ANKFN1: variants seen among roughly 807,000 people sequenced by gnomAD.
The protein encoded by ANKFN1 is ankyrin repeat and fibronectin type-III domain-containing protein 1.
In ANKFN1, 74 loss-of-function variants were observed where a neutral mutation model predicts 108.7. The ratio of observed to expected loss-of-function variants is 0.68; its 90% CI spans 0.56 to 0.83. The LOEUF (loss-of-function observed/expected upper bound fraction) is 0.83. Among genes scored for constraint, ANKFN1 ranks in the 40% least tolerant of loss-of-function variants. The pLI, the probability that ANKFN1 is intolerant of heterozygous loss-of-function variation, is 0.00. For missense variants in ANKFN1, 1,505 were observed against 1,382.3 expected, an observed-to-expected ratio of 1.09 and a Z score of -1.41; for synonymous variants, 547 against 516.2, an observed-to-expected ratio of 1.06 and a Z score of -0.81.
At chr17:56,313,384 G>A (rs529815551) in intron 3 of ANKFN1, among the ~76,000 whole-genome samples, 1 of 152,240 alleles carries the variant, frequency 6.6e-6, no homozygotes, top group Admixed American at 6.5e-5. Flanking sequence ...AAACAAGCCT[G>A]GTCATGGAGG....
chr17:56,449,283 A>C, intron 11 of ANKFN1, 97 bp downstream of exon 11: 1 of 794,330 alleles, frequency 1.3e-6, no homozygotes, highest in Non-Finnish European at 2.0e-6. Context: ...CTCATTCATC[A>C]GGGAGAGAGA....
intron 6 of ANKFN1, among the ~76,000 whole-genome samples, chr17:56,354,607 A>G (rs1371608576): frequency 1.3e-5 from 2 of 152,242 alleles, no homozygotes; most frequent in African/African-American, 4.8e-5. Context: ...TGAAGAAAAT[A>G]AAATGGATGA....
intron 8 of ANKFN1, among the ~76,000 whole-genome samples, chr17:56,397,587 T>C (rs1489522631): frequency 6.6e-6 from 1 of 152,218 alleles, no homozygotes; most frequent in Non-Finnish European, 1.5e-5. Context: ...CTCACATCAA[T>C]GGCAAGTGTT....
At chr17:56,204,804 G>A (rs776649056) in intron 1 of ANKFN1, among the ~76,000 whole-genome samples, 7 of 152,038 alleles carry the variant, frequency 4.6e-5, no homozygotes, top group African/African-American at 7.2e-5. Flanking sequence ...GGCTGGGCGC[G>A]GTGGCTCACG....
intron 1 of ANKFN1, among the ~76,000 whole-genome samples, chr17:56,160,582 C>T (rs1291783137): frequency 1.3e-5 from 2 of 152,114 alleles, no homozygotes; most frequent in Admixed American, 6.6e-5. Context: ...TACTGATGCT[C>T]ATAAGAGATA....
chr17:56,191,539 G>A (rs1336119255), intron 1 of ANKFN1, among the ~76,000 whole-genome samples: 1 of 28,348 alleles, frequency 3.5e-5, no homozygotes, highest in Non-Finnish European at 5.1e-5. Flanking sequence ...TTGAATATTG[G>A]CCCCCACTCT....
At chr17:56,271,292 A>G (rs2043787688) in intron 3 of ANKFN1, among the ~76,000 whole-genome samples, 1 of 152,190 alleles carries the variant, frequency 6.6e-6, no homozygotes, top group Non-Finnish European at 1.5e-5. Context: ...GGTGTGAGAC[A>G]CCATGCCTGG....
At chr17:56,494,212 A>G (rs1568048915) in intron 19 of ANKFN1, among the ~76,000 whole-genome samples, 1 of 152,202 alleles carries the variant, frequency 6.6e-6, no homozygotes, top group Non-Finnish European at 1.5e-5. Context: ...CGTGAATGAG[A>G]TATCTTAGGT....
intron 19 of ANKFN1, among the ~76,000 whole-genome samples, chr17:56,495,847 C>A (rs1009372427): frequency 1.3e-5 from 2 of 152,046 alleles, no homozygotes; most frequent in Admixed American, 1.3e-4. Context: ...AAACCAATCA[C>A]CTTTACATTT....
chr17:56,306,954 C>A (rs1408212330), intron 3 of ANKFN1, among the ~76,000 whole-genome samples: 4 of 152,120 alleles, frequency 2.6e-5, no homozygotes, highest in African/African-American at 9.7e-5. Flanking sequence ...CTTTGACAAA[C>A]CTGACAAAAA....
At chr17:56,125,808 T>C (rs1282312546) in intron 4 of ANKFN1, among the ~76,000 whole-genome samples, 1 of 152,120 alleles carries the variant, frequency 6.6e-6, no homozygotes, top group Non-Finnish European at 1.5e-5. Flanking sequence ...GGTAAAGCCA[T>C]GAGCAAAGGC....
intron 4 of ANKFN1, among the ~76,000 whole-genome samples, chr17:56,342,577 T>C (rs1450338077): frequency 6.6e-6 from 1 of 152,144 alleles, no homozygotes; most frequent in Non-Finnish European, 1.5e-5. Flanking sequence ...CAGGAGCATA[T>C]TATTCAATTT....
rs201111078 is a variant in ANKFN1, at chr17:56,182,885, T to A, written c.-71+29355T>A. Among the ~76,000 whole-genome samples the A allele has an allele frequency of 3.6e-4, 55 of 152,174 alleles. 1 individual carries two copies. The East Asian group carries it at 9.9e-3, about 27-fold the overall frequency. On this transcript the variant is annotated intron_variant, in intron 1 of 20. Transcript: ENST00000682825. ...CAGTGGACATTTATCATTCTGAAAA[T>A]CCTAAGGCCCATAAGAATTAGACTA...
chr17:56,479,175 C>T (rs754581624), intron 16 of ANKFN1, among the ~76,000 whole-genome samples: 1 of 152,204 alleles, frequency 6.6e-6, no homozygotes, highest in South Asian at 2.1e-4. Context: ...TTTTCCCTTG[C>T]CAAGGATCCA....
At chr17:56,141,539 C>T (rs1014030686) in intron 4 of ANKFN1, among the ~76,000 whole-genome samples, 1 of 152,070 alleles carries the variant, frequency 6.6e-6, no homozygotes, top group Non-Finnish European at 1.5e-5. Flanking sequence ...CATCCAAAGC[C>T]ACACATAAAT....
chr17:56,333,656 T>C (rs2144580458), intron 4 of ANKFN1, among the ~76,000 whole-genome samples: 1 of 152,264 alleles, frequency 6.6e-6, no homozygotes, highest in East Asian at 1.9e-4. Context: ...GTCTTGCCTT[T>C]TTCCTGGTTT....
At chr17:56,219,759 T>C (rs1157452802) in intron 2 of ANKFN1, among the ~76,000 whole-genome samples, 2 of 152,130 alleles carry the variant, frequency 1.3e-5, no homozygotes, top group Non-Finnish European at 2.9e-5. Flanking sequence ...TTGCTGTTGT[T>C]TTGTGTTTTG....
chr17:56,436,055 T>G (rs768204368), intron 8 of ANKFN1, among the ~76,000 whole-genome samples: 1 of 152,148 alleles, frequency 6.6e-6, no homozygotes, highest in Non-Finnish European at 1.5e-5. Context: ...CTTCAGGGGC[T>G]CTTTTTCATT....
intron 5 of ANKFN1, among the ~76,000 whole-genome samples, chr17:56,352,112 A>T (rs927530851): frequency 2.0e-5 from 3 of 152,196 alleles, no homozygotes; most frequent in African/African-American, 7.2e-5. Context: ...GCTGTGGTTA[A>T]ATCGGGGCCT....
Sources: allele counts gnomAD v4.1 joint callset (sites outside exome capture counted in the v4.1 genomes callset), GRCh38; gene constraint gnomAD v4.1.1; transcripts MANE v1.5; gene names NCBI Gene and HGNC (gene_info 2026-07-23, HGNC 2026-07-21).